PPP1R14C: variants seen among roughly 807,000 people sequenced by gnomAD.
PPP1R14C encodes the protein protein phosphatase 1 regulatory subunit 14C.
In PPP1R14C, 16 loss-of-function variants were observed where a neutral mutation model predicts 20.4. The observed-to-expected ratio is 0.78, with a 90% CI of 0.53 to 1.19. The LOEUF (loss-of-function observed/expected upper bound fraction) is 1.19. PPP1R14C is among the 50% of genes most tolerant of loss of function. The pLI, the probability that PPP1R14C is intolerant of heterozygous loss-of-function variation, is 0.00. For synonymous variants in PPP1R14C, 91 were observed against 91.0 expected, an observed-to-expected ratio of 1.00 and a Z score of 0.00; for missense variants, 211 against 220.1, an observed-to-expected ratio of 0.96 and a Z score of 0.26.
chr6:150,216,083 C>T (rs1226824175), intron 2 of PPP1R14C, among the ~76,000 whole-genome samples: 5 of 152,228 alleles, frequency 3.3e-5, no homozygotes, highest in Non-Finnish European at 5.9e-5. Context: ...TGTGGAAGGC[C>T]ATCCTGGATT....
At chr6:150,159,497 A>G (rs900337899) in intron 1 of PPP1R14C, among the ~76,000 whole-genome samples, 10 of 151,926 alleles carry the variant, frequency 6.6e-5, no homozygotes, top group African/African-American at 1.7e-4. Context: ...CACTCTATCA[A>G]TTACCCAACC....
intron 1 of PPP1R14C, among the ~76,000 whole-genome samples, chr6:150,171,955 G>A (rs1361136141): frequency 1.3e-5 from 2 of 151,900 alleles, no homozygotes; most frequent in African/African-American, 4.8e-5. Flanking sequence ...ACAGGTTCCC[G>A]CCACCATGCC....
intron 3 of PPP1R14C, among the ~76,000 whole-genome samples, chr6:150,241,878 C>A (rs1173862837): frequency 6.6e-6 from 1 of 151,972 alleles, no homozygotes; most frequent in Non-Finnish European, 1.5e-5. Context: ...CAGAGTGAGA[C>A]TCTTGTCTCA....
At chr6:150,169,156 C>G (rs887682408) in intron 1 of PPP1R14C, among the ~76,000 whole-genome samples, 2 of 152,210 alleles carry the variant, frequency 1.3e-5, no homozygotes, top group African/African-American at 2.4e-5. Context: ...GGATTACAGG[C>G]GTGAGCCACC....
chr6:150,231,388 G>T (rs890680229), intron 3 of PPP1R14C, among the ~76,000 whole-genome samples: 1 of 152,082 alleles, frequency 6.6e-6, no homozygotes, highest in African/African-American at 2.4e-5. Context: ...TGTGTCTTCC[G>T]TCACACCCCA....
rs530462124 is a variant in PPP1R14C, at chr6:150,206,323, A to T, written c.307-8421A>T. ...TTTATTGTCTGTCTTCCCCCATTAG[A>T]GTTTAATCCCCACGAGAGCAAATAT... On this transcript the variant is annotated intron_variant, in intron 1 of 3. Transcript: ENST00000361131. 1.3e-5 allele frequency among the ~76,000 whole-genome samples: 2 copies of T among 152,174 alleles called. 1 individual carries two copies. The highest frequency in any genetic ancestry group is 4.1e-4 in the South Asian group (2 of 4,820).
At chr6:150,210,788 G>A (rs908960027) in intron 1 of PPP1R14C, among the ~76,000 whole-genome samples, 12 of 152,126 alleles carry the variant, frequency 7.9e-5, no homozygotes, top group African/African-American at 1.4e-4. Context: ...TGGGAATGGC[G>A]TGTTCCCTGC....
rs558682639 is a variant in PPP1R14C at position 150,194,687 on chromosome 6, G to C, written c.307-20057G>C. On this transcript the variant is annotated intron_variant, in intron 1 of 3. Coordinates refer to ENST00000361131, the MANE Select transcript of PPP1R14C (RefSeq NM_030949.3). ...TAGCACAAACAGTTCTGTCCTTGGT[G>C]AATCTGATAAAATGATTTGCTTGTT... is the stretch of plus-strand genomic sequence containing the variant. The C allele has an allele frequency of 2.0e-3, 2,010 of 985,398 alleles. 3 individuals carry two copies. Among genetic ancestry groups the C allele is most frequent in the Non-Finnish European group, 2.2e-3 (1,863 of 829,924 alleles). 61.0% of individuals were successfully genotyped at this position (985,398 alleles called of 1,614,324 possible).
chr6:150,172,118 C>G (rs562605290), intron 1 of PPP1R14C, among the ~76,000 whole-genome samples: 2 of 152,204 alleles, frequency 1.3e-5, no homozygotes, highest in African/African-American at 4.8e-5. Flanking sequence ...CAGAGTCTCT[C>G]CCTTTCTTTG....
intron 1 of PPP1R14C, among the ~76,000 whole-genome samples, chr6:150,207,949 G>A (rs1398333446): frequency 3.9e-5 from 6 of 151,982 alleles, no homozygotes; most frequent in Admixed American, 2.0e-4. Flanking sequence ...CGTTCATCCC[G>A]TGTAATAGCA....
chr6:150,229,814 G>A (rs972738664), intron 3 of PPP1R14C, among the ~76,000 whole-genome samples: 1 of 152,160 alleles, frequency 6.6e-6, no homozygotes, highest in Non-Finnish European at 1.5e-5. Context: ...ATGAAAAATA[G>A]GATCAGTTCT....
chr6:150,175,231 G>C (rs1001985733), intron 1 of PPP1R14C, among the ~76,000 whole-genome samples: 2 of 152,170 alleles, frequency 1.3e-5, no homozygotes, highest in African/African-American at 4.8e-5. Context: ...TCCCATTGTA[G>C]CGATGGAACC....
chr6:150,156,650 G>A (rs1288478888), intron 1 of PPP1R14C, among the ~76,000 whole-genome samples: 7 of 152,198 alleles, frequency 4.6e-5, no homozygotes, highest in African/African-American at 1.7e-4. Context: ...TCATGTTTGT[G>A]TTGGGGTGTG....
Position 150,143,524 on chromosome 6 carries a change from T to TGGGGG in PPP1R14C, c.306+26_306+27insGGGGG. 1 of 821,478 alleles carries TGGGGG rather than the reference T, an allele frequency of 1.2e-6. No individual in the cohort carries two copies. Among genetic ancestry groups the TGGGGG allele is most frequent in the Non-Finnish European group, 2.0e-6 (1 of 512,156 alleles). 50.9% of individuals were successfully genotyped at this position (821,478 alleles called of 1,614,324 possible). A position where few individuals can be genotyped will look rare whatever the true frequency, so the allele number is the denominator to read the frequency against. On this transcript the variant is annotated intron_variant, in intron 1 of 3. Coordinates refer to ENST00000361131, the MANE Select transcript of PPP1R14C (RefSeq NM_030949.3). The surrounding 1 kb of genome is among the most constrained non-coding windows in gnomAD (Gnocchi z 5.6). The stretch of plus-strand genomic sequence containing the variant: ...GTACCTGGGCGCGGGGCTGGGAGGG[T>TGGGGG]CGGGGACCTCTCTAGCTCCTCTGTG...
chr6:150,235,194 T>G (rs114468526), intron 3 of PPP1R14C, among the ~76,000 whole-genome samples: 6,054 of 152,274 alleles, frequency 0.04, 391 homozygotes, highest in African/African-American at 0.14. Flanking sequence ...GCTCAAATGA[T>G]CCTCCTGCCT....
At chr6:150,235,908 C>T (rs561901937) in intron 3 of PPP1R14C, among the ~76,000 whole-genome samples, 3 of 152,240 alleles carry the variant, frequency 2.0e-5, no homozygotes, top group African/African-American at 4.8e-5. Flanking sequence ...GCATGTCTTT[C>T]GTCCCTCCTC....
intron 1 of PPP1R14C, among the ~76,000 whole-genome samples, chr6:150,171,381 T>G (rs1180975091): frequency 2.0e-5 from 3 of 152,238 alleles, no homozygotes; most frequent in African/African-American, 4.8e-5. Flanking sequence ...TAATTTTGTT[T>G]GAGCATAACA....
intron 1 of PPP1R14C, among the ~76,000 whole-genome samples, chr6:150,198,939 C>T (rs142727640): frequency 0.012 from 1,769 of 152,182 alleles, 32 homozygotes; most frequent in African/African-American, 0.04. Flanking sequence ...ACAGCATGCA[C>T]GATTGTTTTC....
In PPP1R14C at chr6:150,143,167, G is replaced by C; in HGVS notation, c.-26G>C. On this transcript the variant is annotated 5_prime_UTR_variant, in exon 1 of 4. Coordinates refer to ENST00000361131, the MANE Select transcript of PPP1R14C (RefSeq NM_030949.3). The surrounding 1 kb of genome is among the most constrained non-coding windows in gnomAD (Gnocchi z 5.6). Reference sequence around the variant, plus strand: ...GCTCCGCCCGCCCCTCCTCCGGGCCGCACTGAGGCTCGGGCGCGCGGGGAC... The same window carrying C: ...GCTCCGCCCGCCCCTCCTCCGGGCCCCACTGAGGCTCGGGCGCGCGGGGAC... 2 of 1,300,132 alleles carry C rather than the reference G, an allele frequency of 1.5e-6. No individual in the cohort carries two copies. Among genetic ancestry groups the C allele is most frequent in the Non-Finnish European group, 1.9e-6 (2 of 1,032,668 alleles). 80.5% of individuals were successfully genotyped at this position (1,300,132 alleles called of 1,614,324 possible).
Sources: gnomAD v4.1 joint callset for allele counts (sites outside exome capture counted in the v4.1 genomes callset) on GRCh38, gnomAD v4.1.1 for gene constraint, Gnocchi (gnomAD v3.1) non-coding constraint, MANE v1.5 for transcripts, NCBI Gene and HGNC (gene_info 2026-07-23, HGNC 2026-07-21) for gene names.